Variants in TRIM29 observed in about 807,000 individuals in gnomAD.
TRIM29 encodes the protein tripartite motif containing 29, also known as tripartite motif-containing protein 29.
Under a neutral mutation model 57.3 loss-of-function variants are expected in TRIM29, and 52 were observed. The observed-to-expected ratio is 0.91, with a 90% confidence interval of 0.73 to 1.14. The LOEUF is 1.14. Among genes scored for constraint, TRIM29 ranks in the 50% most tolerant of loss-of-function variants. The probability of loss-of-function intolerance (pLI) is 0.00; values close to 1 mark genes in which losing one functional copy is unlikely to be tolerated. For synonymous variants in TRIM29, 319 were observed against 316.9 expected (o/e 1.01, Z -0.07); for missense variants, 753 against 774.6 (o/e 0.97, Z 0.33).
chr11:120,123,394 C>G, intron 4 of TRIM29: 1 of 495,590 alleles, frequency 2.0e-6, no homozygotes, highest in South Asian at 1.5e-5. Context: ...GTGGTTGTAT[C>G]CCCCTGAGAC....
intron 1 of TRIM29, among the ~76,000 whole-genome samples, chr11:120,132,912 G>T (rs1398351086): frequency 1.3e-5 from 2 of 152,118 alleles, no homozygotes; most frequent in Non-Finnish European, 2.9e-5. Flanking sequence ...GGGGAGGGGT[G>T]AGATGGGGCA....
intron 6 of TRIM29, 113 bp downstream of exon 6, chr11:120,120,460 A>C (rs1043036580): frequency 1.0e-6 from 1 of 966,528 alleles, no homozygotes; most frequent in African/African-American, 1.7e-5. Flanking sequence ...AGCTTCCCAC[A>C]TTCATCTCAC....
Position 120,138,103 on chromosome 11 carries a change from C to A in TRIM29, c.-72G>T. 7.2e-7 allele frequency: 1 copy of A among 1,391,036 alleles called. No homozygotes were observed. Among genetic ancestry groups the A allele is most frequent in the Non-Finnish European group, 9.4e-7 (1 of 1,063,740 alleles). The allele number at this position is 1,391,036 out of a possible 1,614,324, so 86.2% of individuals were successfully genotyped here. A position where few individuals can be genotyped will look rare whatever the true frequency, so the allele number is the denominator to read the frequency against. ...TAGGTGACCTTTCTGGCAGGCGTCT[C>A]GGCAGGGAGTGGGGCAGGCAACCAC... On this transcript the variant is annotated 5_prime_UTR_variant, in exon 1 of 9. Transcript: ENST00000341846.
intron 2 of TRIM29, 133 bp downstream of exon 2, chr11:120,128,267 G>T: frequency 1.4e-6 from 1 of 700,960 alleles, no homozygotes; most frequent in Non-Finnish European, 2.4e-6. Flanking sequence ...GTCAGAGGAG[G>T]TGGGAGAAGC....
intron 8 of TRIM29, among the ~76,000 whole-genome samples, chr11:120,112,963 C>A (rs1253183392): frequency 6.6e-6 from 1 of 152,130 alleles, no homozygotes; most frequent in African/African-American, 2.4e-5. Flanking sequence ...GCAACTTGCC[C>A]AAGGTCACTC....
chr11:120,130,043 G>A (rs1025126141), intron 1 of TRIM29, among the ~76,000 whole-genome samples: 3 of 152,146 alleles, frequency 2.0e-5, no homozygotes, highest in African/African-American at 4.8e-5. Context: ...GTGAGAGAGT[G>A]GAAAACAGAG....
chr11:120,122,664 T>C (rs1383746520), intron 5 of TRIM29, among the ~76,000 whole-genome samples: 1 of 151,982 alleles, frequency 6.6e-6, no homozygotes, highest in Non-Finnish European at 1.5e-5. Flanking sequence ...GGGCTGGAAG[T>C]GAGAAGGCAA....
At position 120,133,560 on chromosome 11, in the gene TRIM29, C is replaced by T. The variant is rs572444769; in HGVS notation, c.804+3668G>A. 2.0e-4 allele frequency among the ~76,000 whole-genome samples: 31 copies of T among 152,250 alleles called. No individual in the cohort carries two copies. The South Asian group carries it at 6.0e-3, about 30-fold the overall frequency. ...CTACCTCCTTTCTCACCCACCCTGTCCCAGGGCAAGCATTCTCCCCCAAAG... is the reference window on the plus strand; with the variant it reads ...CTACCTCCTTTCTCACCCACCCTGTTCCAGGGCAAGCATTCTCCCCCAAAG... On this transcript the variant is annotated intron_variant, in intron 1 of 8. Coordinates refer to ENST00000341846, the MANE Select transcript of TRIM29 (RefSeq NM_012101.4).
chr11:120,125,410 G>A, intron 4 of TRIM29: 5 of 466,138 alleles, frequency 1.1e-5, no homozygotes, highest in East Asian at 3.7e-5. Context: ...CTCTGAGTTT[G>A]ATGGACAACC....
intron 7 of TRIM29, chr11:120,117,222 G>A (rs536469145): frequency 1.1e-4 from 22 of 204,156 alleles, no homozygotes; most frequent in Non-Finnish European, 2.1e-4. Flanking sequence ...AAAGGCGCCT[G>A]CTAGAAGCCA....
At chr11:120,116,920 T>G in intron 7 of TRIM29, 1 of 371,240 alleles carries the variant, frequency 2.7e-6, no homozygotes, top group Admixed American at 3.0e-5. Flanking sequence ...TGCCCCGCTG[T>G]GGGAGAGAAA....
Position 120,137,967 on chromosome 11 carries a change from G to A in TRIM29, c.65C>T (p.Pro22Leu). The change falls in exon 1 of 9, where the codon CCG (proline) becomes CTG (leucine). Residue 22 changes from proline to leucine, a missense_variant. By Grantham distance (98) the Pro-to-Leu change is moderately conservative. Coordinates refer to ENST00000341846, the MANE Select transcript of TRIM29 (RefSeq NM_012101.4). This position sits in a 1 kb window ranked among gnomAD's most constrained non-coding sequence, Gnocchi z 6.2. Reference protein sequence around the residue: ...SSPEARDARSPSGPSGSLENG... With the variant: ...SSPEARDARSLSGPSGSLENG... The stretch of plus-strand genomic sequence containing the variant: ...CTCCAGGCTGCCACTGGGGCCCGAC[G>A]GGCTCCGGGCATCCCTGGCTTCTGG... 6.2e-7 allele frequency: 1 copy of A among 1,605,786 alleles called. No individual in the cohort carries two copies. The highest frequency in any genetic ancestry group is 8.5e-7 in the Non-Finnish European group (1 of 1,179,948).
At position 120,137,501 on chromosome 11, in the gene TRIM29, G is replaced by A. The variant is rs371562722; in HGVS notation, c.531C>T (p.Ile177=). The A allele has an allele frequency of 3.1e-6, 5 of 1,602,966 alleles. 1 individual carries two copies. In the East Asian group the frequency reaches 8.9e-5, roughly 29 times the overall value. Reference sequence around the variant, plus strand: ...ACTTGACCGCCTTCTGCTTGTTGCCGATGCAGGAGTCGCACAGCACCTCCT... The same window carrying A: ...ACTTGACCGCCTTCTGCTTGTTGCCAATGCAGGAGTCGCACAGCACCTCCT... The part of the protein sequence containing the change: ...GSEEVLCDSC[I]GNKQKAVKSC... Residue 177 remains isoleucine, a synonymous_variant, in exon 1 of 9, where the codon ATC becomes ATT. Transcript: ENST00000341846. The surrounding 1 kb of genome is among the most constrained non-coding windows in gnomAD (Gnocchi z 6.2).
rs116611616 is a variant in TRIM29, at chr11:120,117,830, G to T, written c.1627+393C>A. On this transcript the variant is annotated intron_variant, in intron 7 of 8. Coordinates refer to ENST00000341846, the MANE Select transcript of TRIM29 (RefSeq NM_012101.4). The stretch of plus-strand genomic sequence containing the variant: ...GATTGGATCTGCAGGATGCTGGCAG[G>T]TGCCCCATGGCCACAGGACCCTAGA... The T allele has an allele frequency of 2.5e-3, 557 of 223,162 alleles. 1 individual carries two copies. The highest frequency in any genetic ancestry group is 0.012 in the African/African-American group (515 of 42,536). The allele number at this position is 223,162 out of a possible 1,614,324, so 13.8% of individuals were successfully genotyped here.
intron 6 of TRIM29, among the ~76,000 whole-genome samples, chr11:120,119,624 A>G (rs1591320446): frequency 6.6e-6 from 1 of 152,220 alleles, no homozygotes; most frequent in African/African-American, 2.4e-5. Flanking sequence ...AAGGTGCCCA[A>G]GGTCTACTGC....
intron 1 of TRIM29, among the ~76,000 whole-genome samples, chr11:120,136,690 G>C (rs899110188): frequency 6.6e-6 from 1 of 151,860 alleles, no homozygotes; most frequent in African/African-American, 2.4e-5. Flanking sequence ...CCTTTCAGTG[G>C]GCCCCAAAAT....
Position 120,125,782 on chromosome 11 carries a change from G to C in TRIM29, c.1242C>G (p.Asp414Glu). The stretch of plus-strand genomic sequence containing the variant: ...GGCGCATGCATACATTGAGCAGGTC[G>C]TCCTTGAAGTTGCCTAGTGACTGTC... ...GLGQSLGNFK[D>E]DLLNVCMRHV... Residue 414 changes from aspartate to glutamate, a missense_variant, in exon 4 of 9, where the codon GAC becomes GAG. Asp to Glu is a conservative substitution (Grantham distance 45). Coordinates refer to ENST00000341846, the MANE Select transcript of TRIM29 (RefSeq NM_012101.4). The C allele has an allele frequency of 6.2e-7, 1 of 1,614,144 alleles. No homozygotes were observed. Among genetic ancestry groups the C allele is most frequent in the Non-Finnish European group, 8.5e-7 (1 of 1,180,038 alleles).
At chr11:120,136,767 AGGAATTAT>A (rs1863821449) in intron 1 of TRIM29, among the ~76,000 whole-genome samples, 1 of 147,398 alleles carries the variant, frequency 6.8e-6, no homozygotes, top group East Asian at 2.0e-4. Flanking sequence ...CTCAGGTTGG[AGGAATTAT>A]CTCTTCTTCA....
At chr11:120,119,803 C>G (rs1863388511) in intron 6 of TRIM29, among the ~76,000 whole-genome samples, 3 of 152,158 alleles carry the variant, frequency 2.0e-5, no homozygotes, top group African/African-American at 4.8e-5. Flanking sequence ...TCCCCTCCCT[C>G]CCTGTGCATG....
Sources: gnomAD v4.1 joint callset for allele counts (sites outside exome capture counted in the v4.1 genomes callset) on GRCh38, gnomAD v4.1.1 for gene constraint, Gnocchi (gnomAD v3.1) non-coding constraint, MANE v1.5 for transcripts, NCBI Gene and HGNC (gene_info 2026-07-23, HGNC 2026-07-21) for gene names.